Variants in ZNF44 observed in about 807,000 individuals in gnomAD.
The protein encoded by ZNF44 is gonadotropin inducible transcription repressor-2.
In ZNF44, 9 loss-of-function variants were observed where a neutral mutation model predicts 11.7. The observed-to-expected ratio is 0.77, with a 90% CI of 0.46 to 1.35. The LOEUF is 1.35. Ranked by LOEUF, ZNF44 falls within the 40% of genes most tolerant of loss-of-function variation. ZNF44 has a pLI of 0.00. For synonymous variants in ZNF44, 224 were observed against 242.7 expected (o/e 0.92, Z 0.72); for missense variants, 696 against 743.1 (o/e 0.94, Z 0.74).
At chr19:12,268,285 G>A (rs1294327308), downstream of ZNF44, among the ~76,000 whole-genome samples, 5 of 152,064 alleles carry the variant, frequency 3.3e-5, no homozygotes, top group Non-Finnish European at 5.9e-5. Context: ...CATATGATAT[G>A]AGATAAAGGT....
At chr19:12,247,680 T>G in exon 8 of ZNF44, 1 of 1,353,572 alleles carries the variant, frequency 7.4e-7, no homozygotes, top group Non-Finnish European at 9.8e-7. Flanking sequence ...TTTCCCACAT[T>G]CCTTACATTT....
chr19:12,265,594 C>G (rs190530182), intron 5 of ZNF44, among the ~76,000 whole-genome samples: 2 of 152,234 alleles, frequency 1.3e-5, no homozygotes, highest in African/African-American at 4.8e-5. Flanking sequence ...CAACTATGCT[C>G]AAGGACAGAT....
Position 12,273,399 on chromosome 19 carries a change from A to G in ZNF44, c.856T>C (p.Cys286Arg), listed in dbSNP as rs1178764760. 2 of 1,613,934 alleles carry G rather than the reference A, an allele frequency of 1.2e-6. No individual in the cohort carries two copies. The highest frequency in any genetic ancestry group is 1.7e-4 in the Middle Eastern group (1 of 6,058). Residue 286 changes from cysteine to arginine, a missense_variant, in exon 4 of 4, where the codon TGT (cysteine) becomes CGT (arginine). Coordinates refer to ENST00000355684, the MANE Select transcript of ZNF44 (RefSeq NM_016264.4). ...CCGGAAACACTGAAGGCTTTCCCACATTGTTTACATTTGTAGGGTTTCTCT... is the reference window on the plus strand; with the variant it reads ...CCGGAAACACTGAAGGCTTTCCCACGTTGTTTACATTTGTAGGGTTTCTCT... ...TGEKPYKCKQ[C>R]GKAFSVSGSL...
intron 5 of ZNF44, among the ~76,000 whole-genome samples, chr19:12,255,995 C>T (rs544103399): frequency 7.2e-6 from 1 of 138,090 alleles, no homozygotes; most frequent in East Asian, 2.3e-4. Flanking sequence ...CGAGATCACA[C>T]CATTGCACTC....
chr19:12,284,710 A>G (rs769344766), intron 1 of ZNF44: 2 of 734,894 alleles, frequency 2.7e-6, no homozygotes, highest in Non-Finnish European at 4.8e-6. Flanking sequence ...TACAATGGCC[A>G]TGTCCGTCTG....
rs534279467 is a variant in ZNF44 at position 12,272,340 on chromosome 19, A to G, written c.*67T>C. 3.5e-6 allele frequency: 5 copies of G among 1,443,126 alleles called. No homozygotes were observed. The highest frequency in any genetic ancestry group is 3.2e-5 in the South Asian group (2 of 62,936). The allele number at this position is 1,443,126 out of a possible 1,614,324, so 89.4% of individuals were successfully genotyped here. ...AAGGCTTTACCACGTTTACATTCAC[A>G]GGATTTATTTCTTTCAAGTATCTGA... On this transcript the variant is annotated 3_prime_UTR_variant, in exon 4 of 4. Transcript: ENST00000355684.
chr19:12,285,794 G>A (rs558380619), intron 1 of ZNF44, among the ~76,000 whole-genome samples: 21 of 152,072 alleles, frequency 1.4e-4, no homozygotes, highest in South Asian at 4.2e-4. Context: ...CGAGGCTGGC[G>A]GATCACGAGG....
intron 5 of ZNF44, among the ~76,000 whole-genome samples, chr19:12,251,115 T>C (rs1486363806): frequency 6.6e-6 from 1 of 152,078 alleles, no homozygotes; most frequent in Non-Finnish European, 1.5e-5. Flanking sequence ...GTGGATCACC[T>C]GAGGTCGGGG....
At chr19:12,247,963 G>A (rs778599716) in exon 8 of ZNF44, 8 of 1,350,864 alleles carry the variant, frequency 5.9e-6, no homozygotes, top group Non-Finnish European at 7.9e-6. Flanking sequence ...TCTCCAGTAT[G>A]AGTCTTTTCA....
At position 12,273,041 on chromosome 19, in the gene ZNF44, G is replaced by C; in HGVS notation, c.1214C>G (p.Pro405Arg). 1 of 1,612,980 alleles carries C rather than the reference G, an allele frequency of 6.2e-7. No individual in the cohort carries two copies. The highest frequency in any genetic ancestry group is 1.3e-5 in the African/African-American group (1 of 74,694). ...CCTTTCATGTCTTTGAAATACACTA[G>C]GAGAATCAAAGGCTTTCCCACATAC... ...CTVCGKAFDSPSVFQRHERTH... is the reference protein window; with the variant it reads ...CTVCGKAFDSRSVFQRHERTH... Residue 405 changes from proline (P) to arginine (R), a missense_variant, in exon 4 of 4, where the codon CCT becomes CGT. Transcript: ENST00000355684.
chr19:12,266,178 AC>A, intron 5 of ZNF44: 1 of 854,864 alleles, frequency 1.2e-6, no homozygotes, highest in Non-Finnish European at 1.4e-6. Context: ...AGAGCCCCAG[AC>A]CCCGGAGTCG....
In ZNF44 at chr19:12,272,963, C is replaced by G. The variant is rs376177505; in HGVS notation, c.1292G>C (p.Arg431Pro). 1.2e-6 allele frequency: 2 copies of G among 1,613,810 alleles called. No homozygotes were observed. Among genetic ancestry groups the G allele is most frequent in the Non-Finnish European group, 1.7e-6 (2 of 1,179,962 alleles). Residue 431 changes from arginine (R) to proline (P), a missense_variant, in exon 4 of 4, where the codon CGT becomes CCT. Coordinates refer to ENST00000355684, the MANE Select transcript of ZNF44 (RefSeq NM_016264.4). ...YECKQCGKAF[R>P]TSSSLRKHET... Reference sequence around the variant, plus strand: ...ATGTTTTCGAAGGGAACTGGAAGTACGGAAGGCTTTCCCACATTGCTTGCA... The same window carrying G: ...ATGTTTTCGAAGGGAACTGGAAGTAGGGAAGGCTTTCCCACATTGCTTGCA...
chr19:12,271,240 GA>G (rs1420280626), downstream of ZNF44, among the ~76,000 whole-genome samples: 3 of 152,134 alleles, frequency 2.0e-5, no homozygotes, highest in Admixed American at 2.0e-4. Flanking sequence ...TCATATAAGG[GA>G]AAATATGCTA....
At chr19:12,237,655 C>T (rs2438549), upstream of ZNF44, 9,242 of 152,314 alleles carry the variant, frequency 0.061, 958 homozygotes, top group African/African-American at 0.21. Context: ...TACACGACCC[C>T]GCCCAGTACC....
downstream of ZNF44, among the ~76,000 whole-genome samples, chr19:12,268,181 C>CACACA (rs1555739618): frequency 1.2e-4 from 17 of 140,534 alleles, no homozygotes; most frequent in Non-Finnish European, 1.1e-4. Flanking sequence ...CACACACACA[C>CACACA]AAGCTCCTTC....
chr19:12,253,513 C>T (rs919240668), intron 5 of ZNF44, among the ~76,000 whole-genome samples: 2 of 151,858 alleles, frequency 1.3e-5, no homozygotes, highest in Admixed American at 6.6e-5. Flanking sequence ...TCTAAGAAGA[C>T]GTAGAGAATC....
chr19:12,236,105 A>G (rs1470780375), intron 1 of ZNF44, among the ~76,000 whole-genome samples: 2 of 152,254 alleles, frequency 1.3e-5, no homozygotes. Flanking sequence ...ATAAAGGACA[A>G]ATAGTTGATA....
intron 1 of ZNF44, chr19:12,293,217 C>T: frequency 1.3e-6 from 2 of 1,534,844 alleles, no homozygotes; most frequent in Non-Finnish European, 1.7e-6. Flanking sequence ...ATTCCTCCCA[C>T]CCCAGTGCAT....
chr19:12,277,612 G>A (rs1345797620), intron 1 of ZNF44, among the ~76,000 whole-genome samples: 1 of 152,096 alleles, frequency 6.6e-6, no homozygotes, highest in Admixed American at 6.6e-5. Context: ...TATTAACAGA[G>A]AGAAAAAGAT....
Sources: gnomAD v4.1 joint callset for allele counts (sites outside exome capture counted in the v4.1 genomes callset) on GRCh38, gnomAD v4.1.1 for gene constraint, MANE v1.5 for transcripts, NCBI Gene and HGNC (gene_info 2026-07-23, HGNC 2026-07-21) for gene names.